CBFB: variants seen among roughly 807,000 people sequenced by gnomAD.
The protein encoded by CBFB is CBF-beta.
In CBFB, 9 loss-of-function variants were observed where a neutral mutation model predicts 30.4. That is an observed-to-expected ratio of 0.30 (90% CI 0.18 to 0.52). The LOEUF is 0.52. Among genes scored for constraint, CBFB ranks in the 20% least tolerant of loss-of-function variants. The pLI, the probability that CBFB is intolerant of heterozygous loss-of-function variation, is 0.97. For missense variants in CBFB, 170 were observed against 244.0 expected (o/e 0.70, Z 2.02); for synonymous variants, 94 against 84.0 (o/e 1.12, Z -0.65).
In CBFB at chr16:67,096,703, G is replaced by A. The variant is rs554273805; in HGVS notation, c.496-2007G>A. Among the ~76,000 whole-genome samples the A allele has an allele frequency of 3.2e-4, 48 of 151,970 alleles. No homozygotes were observed. The South Asian group carries it at 5.2e-3, about 16-fold the overall frequency. On this transcript the variant is annotated intron_variant, in intron 5 of 5. Transcript: ENST00000412916. Reference sequence around the variant, plus strand: ...ATAACAATACATCTGGGCCGGGCGCGGTGGCTCACTCCTGTAATCCCAGCA... The same window carrying A: ...ATAACAATACATCTGGGCCGGGCGCAGTGGCTCACTCCTGTAATCCCAGCA...
intron 3 of CBFB, among the ~76,000 whole-genome samples, chr16:67,051,942 C>CAG (rs1960559450): frequency 6.7e-6 from 1 of 150,272 alleles, no homozygotes; most frequent in Admixed American, 6.6e-5. Flanking sequence ...CACACACACA[C>CAG]ACGCATACAT....
intron 3 of CBFB, among the ~76,000 whole-genome samples, chr16:67,052,640 A>G (rs1439681298): frequency 6.6e-6 from 1 of 151,966 alleles, no homozygotes; most frequent in Admixed American, 6.6e-5. Flanking sequence ...TTTGTGATTC[A>G]CATTATATAT....
At chr16:67,068,265 G>A (rs1326831436) in intron 4 of CBFB, among the ~76,000 whole-genome samples, 1 of 152,150 alleles carries the variant, frequency 6.6e-6, no homozygotes, top group Non-Finnish European at 1.5e-5. Context: ...GATCACATGA[G>A]CCCAAGAGTT....
chr16:67,046,494 T>G (rs937583863), intron 3 of CBFB, among the ~76,000 whole-genome samples: 8 of 152,216 alleles, frequency 5.3e-5, no homozygotes, highest in African/African-American at 1.9e-4. Context: ...TGCCCTAGTT[T>G]TACTATTTCC....
chr16:67,093,546 T>TGACTG (rs1406584247), intron 5 of CBFB: 1 of 152,130 alleles, frequency 6.6e-6, no homozygotes, highest in African/African-American at 2.4e-5. Flanking sequence ...AGTCATCTCA[T>TGACTG]GACTGCCTCC....
At chr16:67,032,878 T>G (rs570974484) in intron 2 of CBFB, among the ~76,000 whole-genome samples, 66 of 152,320 alleles carry the variant, frequency 4.3e-4, no homozygotes, top group African/African-American at 1.5e-3. Context: ...CTTCTTGATG[T>G]ATCAGTGAGG....
At chr16:67,085,614 C>T (rs561514503) in intron 5 of CBFB, among the ~76,000 whole-genome samples, 1 of 152,010 alleles carries the variant, frequency 6.6e-6, no homozygotes, top group Admixed American at 6.6e-5. Context: ...CCCTCCTTGA[C>T]CTCCCAAAGT....
At chr16:67,055,867 G>A (rs966469034) in intron 3 of CBFB, among the ~76,000 whole-genome samples, 1 of 152,182 alleles carries the variant, frequency 6.6e-6, no homozygotes, top group African/African-American at 2.4e-5. Context: ...GGTGCATGTG[G>A]CTAAAGGAGG....
At chr16:67,073,612 C>T (rs1597149520) in intron 4 of CBFB, among the ~76,000 whole-genome samples, 2 of 150,506 alleles carry the variant, frequency 1.3e-5, no homozygotes, top group South Asian at 2.1e-4. Context: ...CATGGTGGTG[C>T]GTGCCTGTGG....
chr16:67,068,406 A>T (rs1445059592), intron 4 of CBFB, among the ~76,000 whole-genome samples: 1 of 152,130 alleles, frequency 6.6e-6, no homozygotes, highest in Non-Finnish European at 1.5e-5. Flanking sequence ...GCTTGAGTCC[A>T]GGAGCTCAAG....
intron 5 of CBFB, among the ~76,000 whole-genome samples, chr16:67,083,964 T>C (rs1961641565): frequency 6.6e-6 from 1 of 151,740 alleles, no homozygotes; most frequent in African/African-American, 2.4e-5. Context: ...AGGCTGGGAA[T>C]TTTAGACCAT....
Position 67,029,751 on chromosome 16 carries a change from C to A in CBFB, c.103C>A (p.Arg35=). 1 of 1,595,810 alleles carries A rather than the reference C, an allele frequency of 6.3e-7. No homozygotes were observed. The highest frequency in any genetic ancestry group is 8.5e-7 in the Non-Finnish European group (1 of 1,172,754). The change falls in exon 2 of 6, where the codon CGG becomes AGG. Residue 35 remains arginine (R), a synonymous_variant. Transcript: ENST00000412916. ...GATTAAGTACACGGGCTTCAGGGACCGGCCCCACGAGGAACGCCAGGCACG... is the reference window on the plus strand; with the variant it reads ...GATTAAGTACACGGGCTTCAGGGACAGGCCCCACGAGGAACGCCAGGCACG... ...CEIKYTGFRD[R]PHEERQARFQ...
chr16:67,076,261 G>T (rs748951351), intron 4 of CBFB, among the ~76,000 whole-genome samples: 1 of 152,204 alleles, frequency 6.6e-6, no homozygotes, highest in African/African-American at 2.4e-5. Context: ...AGGCATGGTG[G>T]CATGCACTTG....
intron 2 of CBFB, chr16:67,030,185 A>G (rs1205066856): frequency 5.2e-6 from 1 of 191,160 alleles, no homozygotes; most frequent in Non-Finnish European, 1.0e-5. Context: ...AAGGTCGGCG[A>G]TAGTTTGTTT....
chr16:67,040,850 G>A (rs1966516390), intron 3 of CBFB, among the ~76,000 whole-genome samples: 1 of 152,158 alleles, frequency 6.6e-6, no homozygotes, highest in Non-Finnish European at 1.5e-5. Flanking sequence ...AGGAGGTTAG[G>A]GAATGATGAG....
At chr16:67,062,589 C>T (rs926885487) in intron 3 of CBFB, among the ~76,000 whole-genome samples, 1 of 151,410 alleles carries the variant, frequency 6.6e-6, no homozygotes, top group Non-Finnish European at 1.5e-5. Context: ...GTCAGGAGTT[C>T]GAGAGCAGCC....
chr16:67,034,767 T>C (rs1277480370), intron 2 of CBFB, among the ~76,000 whole-genome samples: 1 of 152,232 alleles, frequency 6.6e-6, no homozygotes, highest in African/African-American at 2.4e-5. Context: ...ACAGGGATTT[T>C]GACACGGGGC....
At chr16:67,055,280 C>T (rs1960682048) in intron 3 of CBFB, among the ~76,000 whole-genome samples, 1 of 150,416 alleles carries the variant, frequency 6.6e-6, no homozygotes, top group Admixed American at 6.6e-5. Context: ...GTTTAGTATC[C>T]ATTTATTGAA....
At chr16:67,069,397 G>A (rs568287344) in intron 4 of CBFB, among the ~76,000 whole-genome samples, 1 of 152,036 alleles carries the variant, frequency 6.6e-6, no homozygotes, top group Non-Finnish European at 1.5e-5. Context: ...TTCTGGAGTT[G>A]GAAAGTACAG....
Sources: allele counts gnomAD v4.1 joint callset (sites outside exome capture counted in the v4.1 genomes callset), GRCh38; gene constraint gnomAD v4.1.1; transcripts MANE v1.5; gene names NCBI Gene and HGNC (gene_info 2026-07-23, HGNC 2026-07-21).